The following MINDY3 variants were observed in gnomAD, a reference collection of about 807,000 sequenced individuals.
The protein encoded by MINDY3 is MINDY lysine 48 deubiquitinase 3, also known as ubiquitin carboxyl-terminal hydrolase MINDY-3.
MINDY3 carries 38 observed loss-of-function variants against 69.2 expected under a neutral mutation model. That is an observed-to-expected ratio of 0.55 (90% CI 0.42 to 0.72). The LOEUF is 0.72. Ranked by LOEUF, MINDY3 falls within the 30% of genes least tolerant of loss-of-function variation. The pLI, the probability that MINDY3 is intolerant of heterozygous loss-of-function variation, is 0.00. For synonymous variants in MINDY3, 192 were observed against 180.1 expected (o/e 1.07, Z -0.53); for missense variants, 522 against 519.0 (o/e 1.01, Z -0.06).
intron 6 of MINDY3, 22 bp downstream of exon 6, chr10:15,837,182 A>G: frequency 7.0e-7 from 1 of 1,419,136 alleles, no homozygotes; most frequent in Non-Finnish European, 9.8e-7. Flanking sequence ...CAAAGGCAGA[A>G]AAATCATCTT....
chr10:15,783,907 T>A (rs1427777991), intron 13 of MINDY3, among the ~76,000 whole-genome samples: 6 of 152,190 alleles, frequency 3.9e-5, no homozygotes, highest in Admixed American at 3.9e-4. Context: ...TTAACTGGCA[T>A]AAAATACAGA....
intron 11 of MINDY3, among the ~76,000 whole-genome samples, chr10:15,792,830 T>A (rs1837522236): frequency 1.3e-5 from 2 of 152,076 alleles, no homozygotes; most frequent in African/African-American, 2.4e-5. Context: ...TGATTAGCAG[T>A]TCAGACACTA....
chr10:15,782,838 G>T (rs187654592), intron 13 of MINDY3, among the ~76,000 whole-genome samples: 247 of 152,272 alleles, frequency 1.6e-3, no homozygotes, highest in African/African-American at 5.5e-3. Flanking sequence ...CACTAACAGA[G>T]TAAGCTTGTA....
At chr10:15,802,863 C>T (rs147307524) in intron 10 of MINDY3, among the ~76,000 whole-genome samples, 526 of 151,268 alleles carry the variant, frequency 3.5e-3, no homozygotes, top group Non-Finnish European at 5.6e-3. Context: ...ATACTACTAA[C>T]AGCTAATTTG....
At chr10:15,805,082 C>G (rs1838539115) in intron 10 of MINDY3, among the ~76,000 whole-genome samples, 1 of 152,162 alleles carries the variant, frequency 6.6e-6, no homozygotes, top group African/African-American at 2.4e-5. Flanking sequence ...CAGATGTCAT[C>G]TACTCTTGTG....
intron 10 of MINDY3, among the ~76,000 whole-genome samples, chr10:15,810,268 G>A (rs1838908693): frequency 6.6e-6 from 1 of 152,084 alleles, no homozygotes; most frequent in Non-Finnish European, 1.5e-5. Context: ...AGTCCTAAAA[G>A]TAAATTGTTC....
At chr10:15,781,703 G>A (rs1836545207) in intron 14 of MINDY3, among the ~76,000 whole-genome samples, 2 of 152,072 alleles carry the variant, frequency 1.3e-5, no homozygotes, top group South Asian at 4.2e-4. Flanking sequence ...CCTTCATAAG[G>A]TGCTGTGAAA....
At chr10:15,845,195 A>ACATTAAGTTTCTTATTGTT (rs1427544932) in intron 2 of MINDY3, among the ~76,000 whole-genome samples, 1 of 152,210 alleles carries the variant, frequency 6.6e-6, no homozygotes, top group African/African-American at 2.4e-5. Flanking sequence ...TCAAAGTGCT[A>ACATTAAGTTTCTTATTGTT]ACAAGTCATA....
chr10:15,780,216 A>C (rs1836415213), intron 14 of MINDY3, among the ~76,000 whole-genome samples: 1 of 152,200 alleles, frequency 6.6e-6, no homozygotes, highest in African/African-American at 2.4e-5. Context: ...AAATATAGGA[A>C]TAGAATATAT....
chr10:15,840,585 CTT>C (rs964580138), intron 4 of MINDY3, among the ~76,000 whole-genome samples: 4 of 151,582 alleles, frequency 2.6e-5, no homozygotes, highest in Admixed American at 6.6e-5. Flanking sequence ...TACGTAATCT[CTT>C]TACGAAAACT....
intron 6 of MINDY3, among the ~76,000 whole-genome samples, 169 bp from the exon 7 acceptor site, chr10:15,834,785 T>C (rs1169133412): frequency 2.0e-5 from 3 of 152,104 alleles, no homozygotes; most frequent in South Asian, 2.1e-4. Context: ...CTTTAAAAAA[T>C]AGTTCCTCAA....
At chr10:15,795,343 G>C (rs771405365) in intron 11 of MINDY3, among the ~76,000 whole-genome samples, 9 of 152,012 alleles carry the variant, frequency 5.9e-5, no homozygotes, top group Non-Finnish European at 1.2e-4. Context: ...TTTCAGAGAG[G>C]AAAAGAGCAG....
At chr10:15,786,890 T>C (rs913307979) in intron 12 of MINDY3, among the ~76,000 whole-genome samples, 11 of 152,180 alleles carry the variant, frequency 7.2e-5, no homozygotes, top group African/African-American at 2.7e-4. Context: ...TGGAATATTG[T>C]TCCTTATTAG....
At chr10:15,812,182 T>TCA in intron 10 of MINDY3, among the ~76,000 whole-genome samples, 1 of 152,144 alleles carries the variant, frequency 6.6e-6, no homozygotes, top group South Asian at 2.1e-4. Context: ...CTCACGTGAT[T>TCA]CACCTGCCTC....
intron 8 of MINDY3, among the ~76,000 whole-genome samples, chr10:15,828,848 G>A (rs1840268362): frequency 6.6e-6 from 1 of 152,178 alleles, no homozygotes; most frequent in African/African-American, 2.4e-5. Context: ...TGACAACATA[G>A]TAGGAGGCAG....
At chr10:15,782,642 G>A (rs368768162) in intron 13 of MINDY3, among the ~76,000 whole-genome samples, 57 of 152,200 alleles carry the variant, frequency 3.7e-4, no homozygotes, top group African/African-American at 1.3e-3. Flanking sequence ...TACACTTCCA[G>A]TATGTACCAA....
At chr10:15,847,764 T>C (rs1833954023) in intron 2 of MINDY3, 100 bp downstream of exon 2, 1 of 720,828 alleles carries the variant, frequency 1.4e-6, no homozygotes, top group Admixed American at 2.5e-5. Context: ...TAATTGATTA[T>C]GTCTCATAAT....
At chr10:15,780,115 T>A (rs899677303) in intron 14 of MINDY3, among the ~76,000 whole-genome samples, 1 of 152,230 alleles carries the variant, frequency 6.6e-6, no homozygotes, top group Non-Finnish European at 1.5e-5. Context: ...AGTGTAATTA[T>A]GTTCTTCCAA....
At position 15,782,422 on chromosome 10, in the gene MINDY3, G is replaced by A. The variant is rs372752445; in HGVS notation, c.1117-196C>T. 230 of 509,406 alleles carry A rather than the reference G, an allele frequency of 4.5e-4. 1 individual carries two copies. The highest frequency in any genetic ancestry group is 4.3e-3 in the African/African-American group (217 of 50,246). The allele number at this position is 509,406 out of a possible 1,614,324, so 31.6% of individuals were successfully genotyped here. Reference sequence around the variant, plus strand: ...AGTTGAAAGTGTTGCCTCTGAAGAAGATGCTGGAAAGTAGGGAAGGTTGAT... The same window carrying A: ...AGTTGAAAGTGTTGCCTCTGAAGAAAATGCTGGAAAGTAGGGAAGGTTGAT... On this transcript the variant is annotated intron_variant, in intron 13 of 14. Coordinates refer to ENST00000277632, the MANE Select transcript of MINDY3 (RefSeq NM_024948.4).
Sources: allele counts gnomAD v4.1 joint callset (sites outside exome capture counted in the v4.1 genomes callset), GRCh38; gene constraint gnomAD v4.1.1; transcripts MANE v1.5; gene names NCBI Gene and HGNC (gene_info 2026-07-23, HGNC 2026-07-21).